Variants in SLC35F4 observed in about 807,000 individuals in gnomAD.
The protein encoded by SLC35F4 is solute carrier family 35 member F4.
SLC35F4 carries 24 observed loss-of-function variants against 44.2 expected under a neutral mutation model. That is an observed-to-expected ratio of 0.54 (90% CI 0.39 to 0.76). The LOEUF (loss-of-function observed/expected upper bound fraction) is 0.76. Ranked by LOEUF, SLC35F4 falls within the 30% of genes least tolerant of loss-of-function variation. The probability of loss-of-function intolerance (pLI) is 0.00; values close to 1 mark genes in which losing one functional copy is unlikely to be tolerated. For synonymous variants in SLC35F4, 238 were observed against 223.6 expected (o/e 1.06, Z -0.57); for missense variants, 562 against 586.1 (o/e 0.96, Z 0.42).
intron 4 of SLC35F4, among the ~76,000 whole-genome samples, chr14:57,578,332 T>G (rs893882021): frequency 8.7e-5 from 6 of 69,364 alleles, no homozygotes; most frequent in South Asian, 5.9e-4. Context: ...ACTGTTTTTT[T>G]TTTTTTTTTT....
At chr14:57,825,217 A>G (rs941838531) in intron 1 of SLC35F4, among the ~76,000 whole-genome samples, 14 of 152,138 alleles carry the variant, frequency 9.2e-5, no homozygotes, top group Admixed American at 5.2e-4. Context: ...AGGAGGTTTC[A>G]GGCGAATACT....
chr14:57,782,911 T>C (rs944341670), intron 1 of SLC35F4, among the ~76,000 whole-genome samples: 3 of 152,236 alleles, frequency 2.0e-5, no homozygotes, highest in East Asian at 3.9e-4. Context: ...AAATGTGGCA[T>C]AAATTGAAGT....
chr14:57,783,316 C>T (rs890005755), intron 1 of SLC35F4, among the ~76,000 whole-genome samples: 24 of 151,478 alleles, frequency 1.6e-4, no homozygotes, highest in African/African-American at 5.8e-4. Context: ...CAGAGAGTTC[C>T]CAGATGCCAC....
chr14:57,774,900 C>T (rs765347629), intron 1 of SLC35F4, among the ~76,000 whole-genome samples: 6 of 152,200 alleles, frequency 3.9e-5, no homozygotes, highest in African/African-American at 4.8e-5. Context: ...ATGTGCACCA[C>T]GACAAGCCAC....
At chr14:57,868,662 GA>G (rs1312385864), upstream of SLC35F4, among the ~76,000 whole-genome samples, 1 of 152,048 alleles carries the variant, frequency 6.6e-6, no homozygotes, top group Non-Finnish European at 1.5e-5. Flanking sequence ...ATTTTTAGTA[GA>G]GATGGGGTTT....
chr14:57,640,745 T>C (rs1355253591), intron 1 of SLC35F4, among the ~76,000 whole-genome samples: 2 of 152,030 alleles, frequency 1.3e-5, no homozygotes, highest in South Asian at 2.1e-4. Context: ...TTGGTTTATA[T>C]AGATTATCTC....
In SLC35F4 at chr14:57,719,795, C is replaced by A. The variant is rs1398552033; in HGVS notation, c.104-125671G>T. ...GGCTCCTTTCTTTCCAATTTGGATA[C>A]CCTTTATTTTTTTCTCTTGTCTAAT... On this transcript the variant is annotated intron_variant, in intron 1 of 7. Coordinates refer to ENST00000556826, the MANE Select transcript of SLC35F4 (RefSeq NM_001306087.2). Among the ~76,000 whole-genome samples, 11 of 152,076 alleles carry A rather than the reference C, an allele frequency of 7.2e-5. No homozygotes were observed. The East Asian group carries it at 1.9e-3, about 27-fold the overall frequency.
chr14:57,856,386 T>C (rs1887093033), intron 1 of SLC35F4, among the ~76,000 whole-genome samples: 1 of 152,046 alleles, frequency 6.6e-6, no homozygotes, highest in Admixed American at 6.5e-5. Flanking sequence ...CCAAAGTTTG[T>C]GGTCTTTGCA....
intron 1 of SLC35F4, among the ~76,000 whole-genome samples, chr14:57,890,932 G>A (rs928383415): frequency 4.2e-4 from 64 of 152,266 alleles, no homozygotes; most frequent in African/African-American, 1.5e-3. Flanking sequence ...TTTATAGCAG[G>A]ATAGTTTTAG....
At chr14:57,889,652 C>T (rs1490752055) in intron 1 of SLC35F4, among the ~76,000 whole-genome samples, 1 of 152,102 alleles carries the variant, frequency 6.6e-6, no homozygotes, top group Non-Finnish European at 1.5e-5. Context: ...AGAACAAATA[C>T]AAAAGACATA....
At chr14:57,742,337 T>A (rs1306699796) in intron 1 of SLC35F4, among the ~76,000 whole-genome samples, 1 of 152,206 alleles carries the variant, frequency 6.6e-6, no homozygotes, top group Non-Finnish European at 1.5e-5. Context: ...ACATCTCATA[T>A]GCAAAGACAA....
At position 57,946,993 on chromosome 14, in the gene SLC35F4, T is replaced by C. The variant is rs80054795; in HGVS notation, n.282+34920A>G. 3.9e-5 allele frequency among the ~76,000 whole-genome samples: 6 copies of C among 152,096 alleles called. No individual in the cohort carries two copies. The East Asian group carries it at 1.2e-3, about 29-fold the overall frequency. On this transcript the variant is annotated intron_variant and non_coding_transcript_variant, in intron 1 of 1. Transcript: ENST00000556568. Reference sequence around the variant, plus strand: ...TTTTGGTTCCATGTGAATTTTAGAGTTGTTTTTTTCTAGTTCTGTGAAGAA... The same window carrying C: ...TTTTGGTTCCATGTGAATTTTAGAGCTGTTTTTTTCTAGTTCTGTGAAGAA...
At chr14:57,867,892 T>C (rs1888216781), upstream of SLC35F4, among the ~76,000 whole-genome samples, 1 of 152,180 alleles carries the variant, frequency 6.6e-6, no homozygotes. Flanking sequence ...GGAATATATA[T>C]GTATACACAT....
At chr14:57,626,978 G>A (rs1415851566) in intron 1 of SLC35F4, among the ~76,000 whole-genome samples, 1 of 152,130 alleles carries the variant, frequency 6.6e-6, no homozygotes, top group Non-Finnish European at 1.5e-5. Flanking sequence ...TTAAAGGGAA[G>A]AGACAATGTG....
At chr14:57,583,979 C>T (rs956164876) in intron 3 of SLC35F4, among the ~76,000 whole-genome samples, 1 of 152,062 alleles carries the variant, frequency 6.6e-6, no homozygotes, top group African/African-American at 2.4e-5. Context: ...TTTAGTTATG[C>T]TTATTATTAA....
intron 1 of SLC35F4, among the ~76,000 whole-genome samples, chr14:57,637,155 A>C (rs1158278816): frequency 2.6e-5 from 4 of 152,150 alleles, no homozygotes; most frequent in Non-Finnish European, 5.9e-5. Context: ...CAAGGCTTAG[A>C]GTGGCCAAGT....
chr14:57,644,902 G>C (rs570687007), intron 1 of SLC35F4, among the ~76,000 whole-genome samples: 3 of 152,054 alleles, frequency 2.0e-5, no homozygotes, highest in Non-Finnish European at 2.9e-5. Context: ...GCTTGTTTTT[G>C]TCAGGTTTGT....
chr14:57,884,970 C>G (rs957095964), intron 1 of SLC35F4, among the ~76,000 whole-genome samples: 1 of 152,088 alleles, frequency 6.6e-6, no homozygotes, highest in Non-Finnish European at 1.5e-5. Context: ...GATACAATCA[C>G]ACATAAAAAC....
intron 1 of SLC35F4, among the ~76,000 whole-genome samples, chr14:57,782,726 A>AAAAT (rs2077654598): frequency 6.6e-6 from 1 of 152,216 alleles, no homozygotes; most frequent in African/African-American, 2.4e-5. Context: ...ATTGTGTATG[A>AAAAT]CAGTAAAAAA....
Sources: gnomAD v4.1 joint callset for allele counts (sites outside exome capture counted in the v4.1 genomes callset) on GRCh38, gnomAD v4.1.1 for gene constraint, MANE v1.5 for transcripts, NCBI Gene and HGNC (gene_info 2026-07-23, HGNC 2026-07-21) for gene names.